USO1: variants seen among roughly 807,000 people sequenced by gnomAD.
USO1 encodes the protein general vesicular transport factor p115.
USO1 carries 57 observed loss-of-function variants against 124.5 expected under a neutral mutation model. That is an observed-to-expected ratio of 0.46 (90% CI 0.37 to 0.57). The LOEUF (loss-of-function observed/expected upper bound fraction) is 0.57, where lower values mean the gene tolerates loss of function less well. Among genes scored for constraint, USO1 ranks in the 20% least tolerant of loss-of-function variants. USO1 has a pLI of 0.00. For synonymous variants in USO1, 369 were observed against 362.8 expected, an observed-to-expected ratio of 1.02 and a Z score of -0.19; for missense variants, 900 against 1,040.6, an observed-to-expected ratio of 0.86 and a Z score of 1.86.
intron 22 of USO1, among the ~76,000 whole-genome samples, chr4:75,811,570 A>G (rs560790563): frequency 6.6e-6 from 1 of 152,384 alleles, no homozygotes; most frequent in South Asian, 2.1e-4. Context: ...ACATAGGCAC[A>G]TTAAATCCTG....
At chr4:75,753,270 A>T (rs1282897721) in intron 3 of USO1, among the ~76,000 whole-genome samples, 1 of 151,752 alleles carries the variant, frequency 6.6e-6, no homozygotes, top group East Asian at 1.9e-4. Flanking sequence ...ATGGTGTCTC[A>T]TGCCTGTAAT....
chr4:75,741,875 G>A lies in USO1; in HGVS notation c.67-10498G>A, dbSNP rs139778159. Among the ~76,000 whole-genome samples the A allele has an allele frequency of 3.9e-5, 6 of 152,110 alleles. No homozygotes were observed. The East Asian group carries it at 5.8e-4, about 15-fold the overall frequency. ...CTCCCAAAGTGCTGGGATTATAGGC[G>A]TGAGCTACCATGCCCGGCCACTTTT... On this transcript the variant is annotated intron_variant, in intron 1 of 23. Coordinates refer to ENST00000514213, the MANE Select transcript of USO1 (RefSeq NM_003715.4).
chr4:75,776,425 G>T (rs907241423), intron 8 of USO1, among the ~76,000 whole-genome samples: 1 of 152,168 alleles, frequency 6.6e-6, no homozygotes, highest in African/African-American at 2.4e-5. Context: ...AAATGGAAGA[G>T]GGGAAATGCA....
Position 75,724,769 on chromosome 4 carries a change from G to C in USO1, c.-51G>C, listed in dbSNP as rs371984074. The C allele has an allele frequency of 2.3e-4, 370 of 1,603,318 alleles. 1 individual carries two copies. Among genetic ancestry groups the C allele is most frequent in the Non-Finnish European group, 2.9e-4 (345 of 1,171,320 alleles). On this transcript the variant is annotated 5_prime_UTR_variant, in exon 1 of 24. Transcript: ENST00000514213. ...GGCCCTGCGGAGGGCGGGGGAAGTT[G>C]TCTTCTTTTTTTTCCGGAGGGGCCG...
At chr4:75,782,365 C>T (rs1054051865) in intron 8 of USO1, among the ~76,000 whole-genome samples, 1 of 152,174 alleles carries the variant, frequency 6.6e-6, no homozygotes, top group Non-Finnish European at 1.5e-5. Context: ...GAGCATGTAG[C>T]TGGTGACGCT....
intron 9 of USO1, among the ~76,000 whole-genome samples, chr4:75,784,403 T>TA (rs1722302887): frequency 6.6e-6 from 1 of 152,192 alleles, no homozygotes; most frequent in African/African-American, 2.4e-5. Flanking sequence ...TCTGATGATA[T>TA]AAAAAAGCAT....
chr4:75,809,161 GATTACTTACTAGCCGGTA>G, intron 21 of USO1, 110 bp downstream of exon 21: 3 of 118,060 alleles, frequency 2.5e-5, no homozygotes, highest in East Asian at 2.5e-3. Context: ...CTTCTCTTTA[GATTACTTACTAGCCGGTA>G]TTCTAGTAAC....
At chr4:75,788,611 C>T (rs1397459834) in intron 10 of USO1, among the ~76,000 whole-genome samples, 1 of 149,102 alleles carries the variant, frequency 6.7e-6, no homozygotes, top group Non-Finnish European at 1.5e-5. Context: ...GGCATGATCT[C>T]GGCTCACTGC....
intron 7 of USO1, among the ~76,000 whole-genome samples, chr4:75,773,134 G>T (rs1721978965): frequency 6.6e-6 from 1 of 151,922 alleles, no homozygotes; most frequent in Non-Finnish European, 1.5e-5. Flanking sequence ...ATTAATTCTG[G>T]AATCTCCTGT....
chr4:75,747,849 T>C (rs1721172100), intron 1 of USO1, among the ~76,000 whole-genome samples: 1 of 147,392 alleles, frequency 6.8e-6, no homozygotes, highest in East Asian at 2.0e-4. Context: ...TCTCCTGACC[T>C]CCTGATCCGC....
chr4:75,766,437 G>A (rs1488741101), intron 4 of USO1, among the ~76,000 whole-genome samples: 5 of 152,180 alleles, frequency 3.3e-5, no homozygotes, highest in East Asian at 1.9e-4. Context: ...ATTCCGCAAC[G>A]TCTGGAGACA....
chr4:75,746,665 T>G (rs901152505), intron 1 of USO1, among the ~76,000 whole-genome samples: 2 of 152,200 alleles, frequency 1.3e-5, no homozygotes, highest in African/African-American at 4.8e-5. Flanking sequence ...TGCTTTCTTA[T>G]AGAGAGATCA....
At chr4:75,799,586 T>C (rs926964693) in intron 13 of USO1, 36 bp from the exon 14 acceptor site, 4 of 1,605,800 alleles carry the variant, frequency 2.5e-6, no homozygotes, top group Non-Finnish European at 3.4e-6. Flanking sequence ...AAATATAAAA[T>C]GAATGGAAAG....
chr4:75,753,780 A>ATTT lies in USO1; in HGVS notation c.218+1195_218+1197dup, dbSNP rs1180101340. 3.3e-3 allele frequency among the ~76,000 whole-genome samples: 409 copies of ATTT among 125,682 alleles called. 3 individuals carry two copies. Among genetic ancestry groups the ATTT allele is most frequent in the African/African-American group, 0.011 (370 of 33,300 alleles). 82.5% of individuals were successfully genotyped at this position (125,682 alleles called of 152,430 possible). ...ATTTAGCCCATTTTTAGCTCTTTCAATTTTTTTTTTTTTTTTTTTTTGAGA... is the reference window on the plus strand; with the variant it reads ...ATTTAGCCCATTTTTAGCTCTTTCAATTTTTTTTTTTTTTTTTTTTTTTTGAGA... On this transcript the variant is annotated intron_variant, in intron 3 of 23. Coordinates refer to ENST00000514213, the MANE Select transcript of USO1 (RefSeq NM_003715.4).
chr4:75,806,686 G>C, intron 20 of USO1, 114 bp downstream of exon 20: 1 of 1,337,480 alleles, frequency 7.5e-7, no homozygotes, highest in South Asian at 1.6e-5. Context: ...TAAAATTTAA[G>C]TTAAGACAGC....
chr4:75,736,305 AC>A (rs1720788502), intron 1 of USO1, among the ~76,000 whole-genome samples: 1 of 103,920 alleles, frequency 9.6e-6, no homozygotes, highest in Non-Finnish European at 2.0e-5. Flanking sequence ...TCTACAGCTT[AC>A]CTTTTTTTTT....
At chr4:75,774,920 A>G in intron 8 of USO1, 124 bp downstream of exon 8, 2 of 1,352,922 alleles carry the variant, frequency 1.5e-6, no homozygotes, top group East Asian at 2.6e-5. Flanking sequence ...TTCTTTCACT[A>G]TGGCATGTTG....
At chr4:75,768,534 T>C (rs1024655404) in intron 4 of USO1, among the ~76,000 whole-genome samples, 1 of 152,240 alleles carries the variant, frequency 6.6e-6, no homozygotes, top group Non-Finnish European at 1.5e-5. Flanking sequence ...TTAGCTCTTT[T>C]GTAGATTCCA....
chr4:75,738,021 G>C (rs961104464), intron 1 of USO1, among the ~76,000 whole-genome samples: 2 of 151,690 alleles, frequency 1.3e-5, no homozygotes, highest in African/African-American at 4.8e-5. Flanking sequence ...TTTTAGTAGA[G>C]ACAGAGTTTC....
Sources: allele counts gnomAD v4.1 joint callset (sites outside exome capture counted in the v4.1 genomes callset), GRCh38; gene constraint gnomAD v4.1.1; transcripts MANE v1.5; gene names NCBI Gene and HGNC (gene_info 2026-07-23, HGNC 2026-07-21).